Variants in OCA2 observed in about 807,000 individuals in gnomAD.
OCA2 encodes OCA2 melanosomal transmembrane protein.
A neutral mutation model predicts 100.2 loss-of-function variants in OCA2; 77 were observed. The ratio of observed to expected loss-of-function variants is 0.77; its 90% confidence interval spans 0.64 to 0.93. The LOEUF is 0.93. Among genes scored for constraint, OCA2 ranks in the 40% least tolerant of loss-of-function variants. The pLI is 0.00. For synonymous variants in OCA2, 432 were observed against 439.2 expected, an observed-to-expected ratio of 0.98 and a Z score of 0.21; for missense variants, 1,062 against 1,089.1, an observed-to-expected ratio of 0.98 and a Z score of 0.35.
intron 23 of OCA2, among the ~76,000 whole-genome samples, chr15:27,789,376 T>C (rs1371103768): frequency 6.6e-6 from 1 of 152,242 alleles, no homozygotes; most frequent in African/African-American, 2.4e-5. Flanking sequence ...AAAATAGTTT[T>C]TCTAGAAATG....
chr15:27,738,723 A>G, the OCA2 span, among the ~76,000 whole-genome samples: 42 of 150,780 alleles, frequency 2.8e-4, no homozygotes, highest in South Asian at 4.2e-4. Context: ...TCGGTCTCAG[A>G]AAAAAAAAAG....
At chr15:27,927,006 T>C (rs929329823) in intron 18 of OCA2, among the ~76,000 whole-genome samples, 1 of 152,192 alleles carries the variant, frequency 6.6e-6, no homozygotes, top group South Asian at 2.1e-4. Flanking sequence ...TCCTTCACTG[T>C]TGGCCGGGCC....
intron 23 of OCA2, among the ~76,000 whole-genome samples, chr15:27,816,763 C>G (rs1005095252): frequency 1.3e-5 from 2 of 152,162 alleles, no homozygotes; most frequent in East Asian, 3.9e-4. Context: ...AAATTTCCCA[C>G]TGGAGCCACC....
At chr15:27,806,963 T>A (rs2033879797) in intron 23 of OCA2, among the ~76,000 whole-genome samples, 1 of 152,176 alleles carries the variant, frequency 6.6e-6, no homozygotes. Flanking sequence ...ACCTGGACAC[T>A]GTCCCAGGGT....
intron 23 of OCA2, among the ~76,000 whole-genome samples, chr15:27,814,891 G>C (rs1194619463): frequency 2.6e-5 from 2 of 78,334 alleles, no homozygotes; most frequent in Non-Finnish European, 5.5e-5. Flanking sequence ...TCTATAGATA[G>C]ATAGATAGAT....
chr15:27,762,276 C>T (rs79863982), intron 23 of OCA2, among the ~76,000 whole-genome samples: 1 of 152,256 alleles, frequency 6.6e-6, no homozygotes, highest in East Asian at 1.9e-4. Context: ...CAGCCCACCT[C>T]CACTATGGTA....
At position 27,779,945 on chromosome 15, in the gene OCA2, T is replaced by C. The variant is rs531404783; in HGVS notation, c.2433-24473A>G. Among the ~76,000 whole-genome samples, 38 of 152,296 alleles carry C rather than the reference T, an allele frequency of 2.5e-4. No homozygotes were observed. In the Middle Eastern group the frequency reaches 0.017, roughly 68 times the overall value. ...GACCTGCTGTAAAGAATTATACCTA[T>C]AGATGACAATACTGTATTGTACACT... is the stretch of plus-strand genomic sequence containing the variant. On this transcript the variant is annotated intron_variant, in intron 23 of 23. Coordinates refer to ENST00000354638, the MANE Select transcript of OCA2 (RefSeq NM_000275.3).
rs552294906 is a variant in OCA2 at position 27,971,078 on chromosome 15, G to A, written c.1504-4256C>T. On this transcript the variant is annotated intron_variant, in intron 14 of 23. Transcript: ENST00000354638. ...GCACAGTATGGCAGGAAAGCCTGAA[G>A]AACGCCCCAGCATGCCCGGCATGGT... Among the ~76,000 whole-genome samples, 3 of 151,002 alleles carry A rather than the reference G, an allele frequency of 2.0e-5. No homozygotes were observed. In the East Asian group the frequency reaches 6.0e-4, roughly 30 times the overall value.
At chr15:28,017,578 C>T (rs879742032) in intron 7 of OCA2, among the ~76,000 whole-genome samples, 1 of 152,170 alleles carries the variant, frequency 6.6e-6, no homozygotes, top group East Asian at 1.9e-4. Flanking sequence ...ATTGGTGTTG[C>T]GTCAGCCACG....
At chr15:27,768,442 C>G (rs1326131996) in intron 23 of OCA2, among the ~76,000 whole-genome samples, 1 of 152,160 alleles carries the variant, frequency 6.6e-6, no homozygotes, top group Non-Finnish European at 1.5e-5. Flanking sequence ...AGCCGCCTCA[C>G]CTATTATCTT....
intron 2 of OCA2, among the ~76,000 whole-genome samples, chr15:28,050,200 G>A (rs558721256): frequency 7.9e-5 from 12 of 152,202 alleles, no homozygotes; most frequent in Non-Finnish European, 1.3e-4. Context: ...TGGGAGGATC[G>A]CTTGAGCCCA....
chr15:28,043,636 T>G lies in OCA2; in HGVS notation c.228-11473A>C, dbSNP rs910866599. ...AGCAAGTTTTCAAATCTCAGCCCAG[T>G]GTGCAAAGAAATCAGTATTGGAAGG... On this transcript the variant is annotated intron_variant, in intron 2 of 23. Coordinates refer to ENST00000354638, the MANE Select transcript of OCA2 (RefSeq NM_000275.3). The surrounding 1 kb of genome is among the most constrained non-coding windows in gnomAD (Gnocchi z 4.4). Among the ~76,000 whole-genome samples, 4 of 152,186 alleles carry G rather than the reference T, an allele frequency of 2.6e-5. No homozygotes were observed. Among genetic ancestry groups the G allele is most frequent in the Admixed American group, 6.5e-5 (1 of 15,278 alleles).
At chr15:28,016,296 AAG>A in intron 7 of OCA2, 110 bp from the exon 8 acceptor site, 2 of 851,184 alleles carry the variant, frequency 2.3e-6, no homozygotes, top group Non-Finnish European at 4.0e-6. Context: ...AGGAGAAAGA[AAG>A]AAACAGGAGA....
At chr15:27,944,808 T>C (rs2039775093) in intron 18 of OCA2, among the ~76,000 whole-genome samples, 1 of 152,190 alleles carries the variant, frequency 6.6e-6, no homozygotes. Flanking sequence ...TCAGTAATAA[T>C]ACAACTCCCG....
intron 22 of OCA2, among the ~76,000 whole-genome samples, chr15:27,850,587 C>T (rs2035711894): frequency 6.6e-6 from 1 of 152,132 alleles, no homozygotes. Flanking sequence ...TAGCTGGCTG[C>T]TGACATTACA....
chr15:27,828,508 G>A (rs9806200), intron 23 of OCA2, among the ~76,000 whole-genome samples: 76,909 of 151,920 alleles, frequency 0.51, 20,055 homozygotes, highest in South Asian at 0.76. Flanking sequence ...AAGAGGCAGA[G>A]GAAAAATTTA....
At chr15:27,784,893 C>G (rs200754290) in intron 23 of OCA2, among the ~76,000 whole-genome samples, 2 of 148,518 alleles carry the variant, frequency 1.3e-5, no homozygotes, top group East Asian at 2.0e-4. Context: ...AAGAGAGAGA[C>G]AGAGAGAGAG....
intron 2 of OCA2, among the ~76,000 whole-genome samples, chr15:28,067,907 A>G (rs2044074405): frequency 6.6e-6 from 1 of 152,088 alleles, no homozygotes; most frequent in South Asian, 2.1e-4. Flanking sequence ...TGACTTGGTG[A>G]TCTATCTAAC....
chr15:27,836,783 A>G (rs939779020), intron 23 of OCA2, among the ~76,000 whole-genome samples: 1 of 152,254 alleles, frequency 6.6e-6, no homozygotes, highest in African/African-American at 2.4e-5. Context: ...GAACAAAGCC[A>G]GGTCATTTTC....
Sources: gnomAD v4.1 joint callset for allele counts (sites outside exome capture counted in the v4.1 genomes callset) on GRCh38, gnomAD v4.1.1 for gene constraint, Gnocchi (gnomAD v3.1) non-coding constraint, MANE v1.5 for transcripts, NCBI Gene and HGNC (gene_info 2026-07-23, HGNC 2026-07-21) for gene names.